TRAPPC9: variants seen among roughly 807,000 people sequenced by gnomAD.
TRAPPC9 encodes IKK2 binding protein.
A neutral mutation model predicts 124.0 loss-of-function variants in TRAPPC9; 83 were observed. The ratio of observed to expected loss-of-function variants is 0.67; its 90% CI spans 0.56 to 0.80. TRAPPC9 has a LOEUF of 0.80. Ranked by LOEUF, TRAPPC9 falls within the 30% of genes least tolerant of loss-of-function variation. TRAPPC9 has a pLI of 0.00. For missense variants in TRAPPC9, 1,302 were observed against 1,508.3 expected (o/e 0.86, Z 2.27); for synonymous variants, 638 against 617.5 (o/e 1.03, Z -0.49).
intron 21 of TRAPPC9, among the ~76,000 whole-genome samples, chr8:139,805,131 A>G (rs1476315738): frequency 6.6e-6 from 1 of 152,202 alleles, no homozygotes; most frequent in Non-Finnish European, 1.5e-5. Context: ...GTCAGACTAT[A>G]GCTCTCTCCT....
At chr8:140,131,702 G>A (rs2061212085) in intron 17 of TRAPPC9, among the ~76,000 whole-genome samples, 1 of 152,240 alleles carries the variant, frequency 6.6e-6, no homozygotes, top group Non-Finnish European at 1.5e-5. Flanking sequence ...AGAACCTTGA[G>A]GGAACAAAGG....
chr8:140,149,883 A>C (rs1302381413), intron 17 of TRAPPC9, among the ~76,000 whole-genome samples: 1 of 152,164 alleles, frequency 6.6e-6, no homozygotes, highest in African/African-American at 2.4e-5. Context: ...TCATGCATAC[A>C]TACATGCATG....
chr8:139,963,749 C>CAAAAAAA (rs58224556), intron 19 of TRAPPC9, among the ~76,000 whole-genome samples: 10 of 107,348 alleles, frequency 9.3e-5, no homozygotes, highest in African/African-American at 1.6e-4. Flanking sequence ...CCAGTTCTAC[C>CAAAAAAA]AAAAAAAAAA....
In TRAPPC9 at chr8:139,901,672, T is replaced by C. The variant is rs562524695; in HGVS notation, c.2964+8475A>G. ...GGTGAGACCTAGGAATGCTGCCATC[T>C]CCATAGGCTTCCTCTGGTAAGTGGG... On this transcript the variant is annotated intron_variant, in intron 20 of 22. Coordinates refer to ENST00000438773, the MANE Select transcript of TRAPPC9 (RefSeq NM_001160372.4). 1.1e-4 allele frequency among the ~76,000 whole-genome samples: 17 copies of C among 152,324 alleles called. No individual in the cohort carries two copies. The South Asian group carries it at 2.7e-3, about 24-fold the overall frequency.
At chr8:140,421,462 T>C (rs1331672430) in intron 5 of TRAPPC9, among the ~76,000 whole-genome samples, 1 of 152,176 alleles carries the variant, frequency 6.6e-6, no homozygotes, top group Admixed American at 6.5e-5. Context: ...CCTTTGTATG[T>C]TTTTGTTTTC....
chr8:139,868,581 C>A (rs777288670), intron 21 of TRAPPC9, among the ~76,000 whole-genome samples: 28 of 152,136 alleles, frequency 1.8e-4, no homozygotes, highest in Non-Finnish European at 3.2e-4. Flanking sequence ...TTGGGAAAAA[C>A]GTGAATTTTG....
Position 140,371,190 on chromosome 8 carries a change from A to G in TRAPPC9, c.1135-10T>C. 1 of 1,603,486 alleles carries G rather than the reference A, an allele frequency of 6.2e-7. No individual in the cohort carries two copies. Among genetic ancestry groups the G allele is most frequent in the Non-Finnish European group, 8.5e-7 (1 of 1,174,532 alleles). On this transcript the variant is annotated splice_polypyrimidine_tract_variant and intron_variant, in intron 7 of 22. Transcript: ENST00000438773. ...TCTCTTCCTCAGAAAGCTGAAGCAC[A>G]GAGAGAAAGTAAAAAGCTTTTGAAA...
At chr8:140,126,356 C>G (rs954551098) in intron 17 of TRAPPC9, among the ~76,000 whole-genome samples, 2 of 152,038 alleles carry the variant, frequency 1.3e-5, no homozygotes, top group Non-Finnish European at 2.9e-5. Flanking sequence ...CATTTCAGAA[C>G]CAGACTCTCA....
intron 19 of TRAPPC9, among the ~76,000 whole-genome samples, chr8:139,953,500 T>A (rs1324754823): frequency 6.6e-6 from 1 of 152,028 alleles, no homozygotes; most frequent in African/African-American, 2.4e-5. Flanking sequence ...TCAAAAAAAA[T>A]GTGTAGAAGT....
At chr8:140,039,113 C>A (rs567996548) in intron 17 of TRAPPC9, among the ~76,000 whole-genome samples, 1 of 152,252 alleles carries the variant, frequency 6.6e-6, no homozygotes, top group African/African-American at 2.4e-5. Flanking sequence ...CCCTACGCTA[C>A]TGTACCTTCA....
intron 14 of TRAPPC9, among the ~76,000 whole-genome samples, 193 bp from the exon 15 acceptor site, chr8:140,276,014 T>C (rs2065106235): frequency 6.6e-6 from 1 of 152,216 alleles, no homozygotes; most frequent in African/African-American, 2.4e-5. Flanking sequence ...TGCCTCATGC[T>C]TTCCTCATGC....
At chr8:139,755,957 C>G (rs1335743100) in intron 21 of TRAPPC9, among the ~76,000 whole-genome samples, 1 of 131,210 alleles carries the variant, frequency 7.6e-6, no homozygotes, top group Non-Finnish European at 1.6e-5. Context: ...GCAGGAGGAG[C>G]CAGGGTTTGG....
intron 15 of TRAPPC9, among the ~76,000 whole-genome samples, chr8:140,267,255 A>G (rs2131585836): frequency 6.6e-6 from 1 of 152,230 alleles, no homozygotes; most frequent in Middle Eastern, 3.4e-3. Context: ...GGGAAGGACA[A>G]TTTGTAGGGT....
chr8:140,089,531 A>G (rs1844426126), intron 17 of TRAPPC9, among the ~76,000 whole-genome samples: 1 of 152,230 alleles, frequency 6.6e-6, no homozygotes, highest in South Asian at 2.1e-4. Flanking sequence ...ATGGGCTTGG[A>G]TACCATCTTC....
At chr8:140,046,027 G>A (rs1331243832) in intron 17 of TRAPPC9, among the ~76,000 whole-genome samples, 3 of 150,088 alleles carry the variant, frequency 2.0e-5, no homozygotes, top group East Asian at 2.1e-4. Flanking sequence ...TTTTTAATGT[G>A]GGACTGGATC....
At chr8:140,400,028 C>T (rs1033176601) in intron 6 of TRAPPC9, among the ~76,000 whole-genome samples, 1 of 152,192 alleles carries the variant, frequency 6.6e-6, no homozygotes, top group Non-Finnish European at 1.5e-5. Context: ...TTGGAGTCCT[C>T]TCCTCATTCT....
At position 140,159,075 on chromosome 8, in the gene TRAPPC9, G is replaced by A. The variant is rs114217488; in HGVS notation, c.2556+62384C>T. Among the ~76,000 whole-genome samples, 746 of 152,266 alleles carry A rather than the reference G, an allele frequency of 4.9e-3. 5 individuals carry two copies. Among genetic ancestry groups the A allele is most frequent in the African/African-American group, 0.017 (701 of 41,558 alleles). On this transcript the variant is annotated intron_variant, in intron 17 of 22. Transcript: ENST00000438773. ...GAAGTTCCCTGCCAGGGACGGACCC[G>A]GGAAGTGGAGAGCCAGGCTGGGTGC... is the stretch of plus-strand genomic sequence containing the variant.
intron 21 of TRAPPC9, among the ~76,000 whole-genome samples, chr8:139,857,083 GA>G (rs1827849858): frequency 1.6e-5 from 1 of 61,706 alleles, no homozygotes; most frequent in African/African-American, 1.6e-4. Context: ...TGAAAGAGCA[GA>G]AAGGTGCCCA....
chr8:140,081,205 C>T lies in TRAPPC9; in HGVS notation c.2557-57126G>A, dbSNP rs887170959. On this transcript the variant is annotated intron_variant, in intron 17 of 22. Transcript: ENST00000438773. ...GCCTGGACCTCTGCTCCTCACAGTC[C>T]ACTACCACATCTCAGGCTGTTCAGC... is the stretch of plus-strand genomic sequence containing the variant. 5.3e-5 allele frequency among the ~76,000 whole-genome samples: 8 copies of T among 152,300 alleles called. No individual in the cohort carries two copies. In the East Asian group the frequency reaches 1.5e-3, roughly 29 times the overall value.
Sources: allele counts gnomAD v4.1 joint callset (sites outside exome capture counted in the v4.1 genomes callset), GRCh38; gene constraint gnomAD v4.1.1; transcripts MANE v1.5; gene names NCBI Gene and HGNC (gene_info 2026-07-23, HGNC 2026-07-21).